Variants in GARS1 observed in about 807,000 individuals in gnomAD.
GARS1 encodes glycine--tRNA ligase.
In GARS1, 46 loss-of-function variants were observed where a neutral mutation model predicts 86.4. The ratio of observed to expected loss-of-function variants is 0.53; its 90% CI spans 0.42 to 0.68. GARS1 has a LOEUF of 0.68. Among genes scored for constraint, GARS1 ranks in the 30% least tolerant of loss-of-function variants. GARS1 has a pLI of 0.00. For synonymous variants in GARS1, 342 were observed against 329.8 expected (o/e 1.04, Z -0.40); for missense variants, 797 against 915.6 (o/e 0.87, Z 1.67).
At chr7:30,602,576 T>C (rs1056995484) in intron 4 of GARS1, among the ~76,000 whole-genome samples, 4 of 152,234 alleles carry the variant, frequency 2.6e-5, no homozygotes, top group African/African-American at 9.6e-5. Context: ...AGGAACTTTG[T>C]AGAGATAATA....
At chr7:30,624,054 A>G (rs1783074050) in intron 12 of GARS1, among the ~76,000 whole-genome samples, 1 of 152,144 alleles carries the variant, frequency 6.6e-6, no homozygotes, top group Non-Finnish European at 1.5e-5. Context: ...ATGGCTTTTG[A>G]TGCTGCCCAA....
At position 30,632,133 on chromosome 7, in the gene GARS1, C is replaced by G; in HGVS notation, c.1904-114C>G. ...CTTTCTCTTGCAACTCAACTTGTTG[C>G]TTTCTTGTCTTGGTCCCATTTATAA... On this transcript the variant is annotated intron_variant, in intron 15 of 16. Transcript: ENST00000389266. The surrounding 1 kb of genome is among the most constrained non-coding windows in gnomAD (Gnocchi z 4.1). 2.0e-6 allele frequency: 2 copies of G among 981,762 alleles called. No homozygotes were observed. Among genetic ancestry groups the G allele is most frequent in the Non-Finnish European group, 3.1e-6 (2 of 635,050 alleles). 60.8% of individuals were successfully genotyped at this position (981,762 alleles called of 1,614,324 possible).
intron 8 of GARS1, among the ~76,000 whole-genome samples, chr7:30,612,814 A>C (rs1283861641): frequency 6.6e-6 from 1 of 152,130 alleles, no homozygotes; most frequent in East Asian, 1.9e-4. Context: ...CAAATAGCCT[A>C]CTTTTGTCTG....
At chr7:30,598,921 G>T in intron 2 of GARS1, 24 bp downstream of exon 2, 1 of 1,552,574 alleles carries the variant, frequency 6.4e-7, no homozygotes, top group South Asian at 1.1e-5. Flanking sequence ...TGCTAAAATA[G>T]GAACATAAGT....
chr7:30,615,479 T>C (rs1782873659), intron 8 of GARS1, among the ~76,000 whole-genome samples: 1 of 152,226 alleles, frequency 6.6e-6, no homozygotes, highest in African/African-American at 2.4e-5. Context: ...GTTTTCCTAA[T>C]TTAAAAAACT....
chr7:30,629,266 G>A (rs1468402), intron 14 of GARS1, among the ~76,000 whole-genome samples: 73,429 of 151,992 alleles, frequency 0.48, 21,460 homozygotes, highest in Non-Finnish European at 0.65. Flanking sequence ...GTTGTCTGGG[G>A]TATAGCCTTT....
intron 12 of GARS1, 39 bp downstream of exon 12, chr7:30,622,501 C>A: frequency 1.2e-6 from 2 of 1,611,188 alleles, no homozygotes; most frequent in South Asian, 1.1e-5. Flanking sequence ...GGGCTCCAGT[C>A]AGTTGTGTCA....
At chr7:30,619,470 T>C (rs1043087032) in intron 10 of GARS1, among the ~76,000 whole-genome samples, 15 of 152,174 alleles carry the variant, frequency 9.9e-5, no homozygotes, top group Admixed American at 8.5e-4. Flanking sequence ...ACTATCCCAA[T>C]GTTGTTATTC....
chr7:30,633,767 A>G lies in GARS1; in HGVS notation c.2127A>G (p.Leu709=), dbSNP rs1199944155. The change falls in exon 17 of 17, where the codon CTA becomes CTG. Residue 709 remains leucine (L), a synonymous_variant. Coordinates refer to ENST00000389266, the MANE Select transcript of GARS1 (RefSeq NM_002047.4). The stretch of plus-strand genomic sequence containing the variant: ...AGCTGCCCAGCATAGTCCAAGACCT[A>G]GCCAATGGCAACATCACATGGGCTG... The part of the protein sequence containing the change: ...ISELPSIVQD[L]ANGNITWADV... 2 of 1,614,134 alleles carry G rather than the reference A, an allele frequency of 1.2e-6. No homozygotes were observed. Among genetic ancestry groups the G allele is most frequent in the South Asian group, 2.2e-5 (2 of 91,084 alleles).
At chr7:30,633,638 T>TG in intron 16 of GARS1, 97 bp from the exon 17 acceptor site, 1 of 1,424,326 alleles carries the variant, frequency 7.0e-7, no homozygotes. Context: ...ATGACATTGT[T>TG]TGGCTCTGTG....
At chr7:30,595,297 T>G (rs1208907172) in intron 1 of GARS1, among the ~76,000 whole-genome samples, 154 bp downstream of exon 1, 1 of 152,206 alleles carries the variant, frequency 6.6e-6, no homozygotes, top group African/African-American at 2.4e-5. Flanking sequence ...TCCCCCACTT[T>G]GGTCCCAAGT....
At chr7:30,631,895 G>A (rs1378409517) in intron 15 of GARS1, 2 of 388,714 alleles carry the variant, frequency 5.1e-6, no homozygotes, top group African/African-American at 2.1e-5. Flanking sequence ...GAATCCTGGT[G>A]GTCATCTGGC....
chr7:30,595,275 G>T, intron 1 of GARS1, 132 bp downstream of exon 1: 3 of 914,586 alleles, frequency 3.3e-6, no homozygotes, highest in South Asian at 1.5e-5. Flanking sequence ...ATCCTCTGGC[G>T]TCTTCTTCGC....
chr7:30,601,209 T>G lies in GARS1; in HGVS notation c.569+9T>G. On this transcript the variant is annotated intron_variant, in intron 4 of 16. Transcript: ENST00000389266. Reference sequence around the variant, plus strand: ...CCTGAGCCAGTTTTAAAGTGAGATCTTACTTTGGAGTGGGGGTATCCTACT... The same window carrying G: ...CCTGAGCCAGTTTTAAAGTGAGATCGTACTTTGGAGTGGGGGTATCCTACT... The G allele has an allele frequency of 6.2e-7, 1 of 1,613,140 alleles. No individual in the cohort carries two copies. The highest frequency in any genetic ancestry group is 8.5e-7 in the Non-Finnish European group (1 of 1,179,226).
chr7:30,605,142 T>C (rs959063341), intron 6 of GARS1, among the ~76,000 whole-genome samples: 1 of 152,252 alleles, frequency 6.6e-6, no homozygotes, highest in Non-Finnish European at 1.5e-5. Context: ...TGAAAGCCCA[T>C]CTGTTGCTTA....
chr7:30,625,796 G>A (rs1270273681), intron 12 of GARS1, among the ~76,000 whole-genome samples: 1 of 152,182 alleles, frequency 6.6e-6, no homozygotes, highest in Non-Finnish European at 1.5e-5. Context: ...GTATTGGATT[G>A]TAAAATTACT....
intron 14 of GARS1, 112 bp from the exon 15 acceptor site, chr7:30,631,336 T>C: frequency 5.1e-6 from 4 of 784,966 alleles, no homozygotes; most frequent in South Asian, 2.8e-5. Context: ...ATTTTGGTAA[T>C]GACGTTATGC....
At position 30,600,997 on chromosome 7, in the gene GARS1, C is replaced by T. The variant is rs1044932173; in HGVS notation, c.428-62C>T. ...GTATAGGTATCAGTTTCTCATGTCT[C>T]CTTGCCTTCATTTGTTCAGAGTAAC... is the stretch of plus-strand genomic sequence containing the variant. On this transcript the variant is annotated intron_variant, in intron 3 of 16. Coordinates refer to ENST00000389266, the MANE Select transcript of GARS1 (RefSeq NM_002047.4). The T allele has an allele frequency of 3.3e-6, 5 of 1,513,558 alleles. No individual in the cohort carries two copies. In the African/African-American group the frequency reaches 5.5e-5, roughly 17 times the overall value. The allele number at this position is 1,513,558 out of a possible 1,614,324, so 93.8% of individuals were successfully genotyped here.
intron 2 of GARS1, 59 bp downstream of exon 2, chr7:30,598,956 T>A: frequency 7.5e-7 from 1 of 1,334,298 alleles, no homozygotes. Flanking sequence ...TCATCTTTAA[T>A]TTCTTTGGAT....
Sources: allele counts gnomAD v4.1 joint callset (sites outside exome capture counted in the v4.1 genomes callset), GRCh38; gene constraint gnomAD v4.1.1; non-coding constraint Gnocchi (gnomAD v3.1); transcripts MANE v1.5; gene names NCBI Gene and HGNC (gene_info 2026-07-23, HGNC 2026-07-21).